IQGAP3: variants seen among roughly 807,000 people sequenced by gnomAD.
The protein encoded by IQGAP3 is ras GTPase-activating-like protein IQGAP3.
IQGAP3 carries 165 observed loss-of-function variants against 208.2 expected under a neutral mutation model. The ratio of observed to expected loss-of-function variants is 0.79; its 90% CI spans 0.70 to 0.90. The LOEUF (loss-of-function observed/expected upper bound fraction) is 0.90, where lower values mean the gene tolerates loss of function less well. IQGAP3 is among the 40% of genes least tolerant of loss of function. The pLI, the probability that IQGAP3 is intolerant of heterozygous loss-of-function variation, is 0.00. For missense variants in IQGAP3, 1,811 were observed against 2,043.1 expected (o/e 0.89, Z 2.19); for synonymous variants, 703 against 803.6 (o/e 0.87, Z 2.12).
In IQGAP3 at chr1:156,566,007, A is replaced by C. The variant is rs1327987911; in HGVS notation, c.360+20T>G. On this transcript the variant is annotated intron_variant, in intron 4 of 37. Transcript: ENST00000361170. ...TGGTAAGGAGTAAAGATGAATACCA[A>C]TCTTCAGGCCCAGTATTACCGAAGG... is the stretch of plus-strand genomic sequence containing the variant. 4 of 1,589,088 alleles carry C rather than the reference A, an allele frequency of 2.5e-6. No individual in the cohort carries two copies. The African/African-American group carries it at 5.4e-5, about 21-fold the overall frequency.
In IQGAP3 at chr1:156,550,312, TCTC is replaced by T; in HGVS notation, c.1771_1773del (p.Glu591del). The T allele has an allele frequency of 4.3e-6, 7 of 1,613,842 alleles. No individual in the cohort carries two copies. The highest frequency in any genetic ancestry group is 1.3e-5 in the African/African-American group (1 of 74,976). On this transcript the variant is annotated inframe_deletion, in exon 16 of 38. Coordinates refer to ENST00000361170, the MANE Select transcript of IQGAP3 (RefSeq NM_178229.5). Reference sequence around the variant, plus strand: ...TTGGCTCTGACCACTCCCTGGCGGATCTCCTCAAGCCACAGCACAGCTCCAGGA... The same window carrying T: ...TTGGCTCTGACCACTCCCTGGCGGATCTCAAGCCACAGCACAGCTCCAGGA...
At chr1:156,530,023 C>G (rs1323790970) in intron 34 of IQGAP3, 82 bp downstream of exon 34, 5 of 1,179,800 alleles carry the variant, frequency 4.2e-6, no homozygotes, top group South Asian at 2.8e-5. Flanking sequence ...AGGGGCCCAC[C>G]AACACTATGG....
Position 156,529,145 on chromosome 1 carries a change from G to T in IQGAP3, c.4405-63C>A, listed in dbSNP as rs1408244084. The T allele has an allele frequency of 5.2e-6, 8 of 1,553,194 alleles. No individual in the cohort carries two copies. In the Admixed American group the frequency reaches 1.2e-4, roughly 23 times the overall value. ...TCCTGGCAGGAGAGCCTTAGGGCCT[G>T]ACACAGGCCCAAGAGCTACACACTG... On this transcript the variant is annotated intron_variant, in intron 34 of 37. Transcript: ENST00000361170.
At chr1:156,535,997 T>C (rs1192390699) in intron 27 of IQGAP3, among the ~76,000 whole-genome samples, 1 of 152,232 alleles carries the variant, frequency 6.6e-6, no homozygotes, top group Non-Finnish European at 1.5e-5. Flanking sequence ...CTATTATGGA[T>C]GTGCCACCTA....
rs545808107 is a variant in IQGAP3, at chr1:156,568,275, C to T, written c.125+1101G>A. ...TTTCACCCAGGCTGGAGTGCAATGGCATGATCTTGGCTCACTGCAACATCT... is the reference window on the plus strand; with the variant it reads ...TTTCACCCAGGCTGGAGTGCAATGGTATGATCTTGGCTCACTGCAACATCT... On this transcript the variant is annotated intron_variant, in intron 2 of 37. Transcript: ENST00000361170. 4.6e-5 allele frequency among the ~76,000 whole-genome samples: 7 copies of T among 152,252 alleles called. No homozygotes were observed. The East Asian group carries it at 1.2e-3, about 25-fold the overall frequency.
Position 156,563,751 on chromosome 1 carries a change from G to A in IQGAP3, c.505+6C>T, listed in dbSNP as rs1417430583. 4.3e-6 allele frequency: 7 copies of A among 1,613,206 alleles called. No individual in the cohort carries two copies. The Admixed American group carries it at 5.0e-5, about 12-fold the overall frequency. On this transcript the variant is annotated splice_donor_region_variant and intron_variant, in intron 6 of 37. Coordinates refer to ENST00000361170, the MANE Select transcript of IQGAP3 (RefSeq NM_178229.5). The stretch of plus-strand genomic sequence containing the variant: ...CTGTGGTGGTCAGGGAAGGAGCTGG[G>A]CTTACCTGTGAATTTCACTTTCCCG...
chr1:156,563,720 C>T, intron 6 of IQGAP3, 37 bp downstream of exon 6: 1 of 1,606,808 alleles, frequency 6.2e-7, no homozygotes, highest in African/African-American at 1.3e-5. Context: ...CAAGACCCTG[C>T]CCAGGCTGTG....
At position 156,569,373 on chromosome 1, in the gene IQGAP3, C is replaced by T; in HGVS notation, c.125+3G>A. 1.2e-6 allele frequency: 2 copies of T among 1,607,562 alleles called. No individual in the cohort carries two copies. The highest frequency in any genetic ancestry group is 1.7e-6 in the Non-Finnish European group (2 of 1,174,910). On this transcript the variant is annotated splice_donor_region_variant and intron_variant, in intron 2 of 37. Coordinates refer to ENST00000361170, the MANE Select transcript of IQGAP3 (RefSeq NM_178229.5). ...AGAGTCCATCTTCCTGGACTCCGCT[C>T]ACCGCTTGGCCTCCTCCAGCCGGCA...
At chr1:156,567,570 T>A in intron 2 of IQGAP3, among the ~76,000 whole-genome samples, 1 of 152,244 alleles carries the variant, frequency 6.6e-6, no homozygotes, top group Non-Finnish European at 1.5e-5. Context: ...GATTAAAGTC[T>A]ACTCAGATGG....
intron 1 of IQGAP3, among the ~76,000 whole-genome samples, chr1:156,570,949 G>A (rs1160699515): frequency 6.6e-6 from 1 of 152,212 alleles, no homozygotes; most frequent in Non-Finnish European, 1.5e-5. Context: ...GAATAAATAG[G>A]CGGAACACAG....
Position 156,564,550 on chromosome 1 carries a change from T to C in IQGAP3, c.437+65A>G. 5 of 1,013,282 alleles carry C rather than the reference T, an allele frequency of 4.9e-6. No individual in the cohort carries two copies. The Admixed American group carries it at 6.8e-5, about 14-fold the overall frequency. 62.8% of individuals were successfully genotyped at this position (1,013,282 alleles called of 1,614,324 possible). Reference sequence around the variant, plus strand: ...TCATCCTTCTTTCTTGCTGAGTTTGTTGTTGTTGATTGTTGGTCGCATCCA... The same window carrying C: ...TCATCCTTCTTTCTTGCTGAGTTTGCTGTTGTTGATTGTTGGTCGCATCCA... On this transcript the variant is annotated intron_variant, in intron 5 of 37. Coordinates refer to ENST00000361170, the MANE Select transcript of IQGAP3 (RefSeq NM_178229.5).
At chr1:156,571,662 C>T (rs6693241) in intron 1 of IQGAP3, among the ~76,000 whole-genome samples, 9,304 of 152,274 alleles carry the variant, frequency 0.061, 989 homozygotes, top group African/African-American at 0.21. Flanking sequence ...TGTACATACA[C>T]ATGCTGTCTC....
chr1:156,529,448 A>G (rs1279854530), intron 34 of IQGAP3, among the ~76,000 whole-genome samples: 10 of 151,936 alleles, frequency 6.6e-5, no homozygotes, highest in Non-Finnish European at 1.5e-4. Context: ...AAAAAAAAAA[A>G]GAGAGTTGCA....
chr1:156,554,098 T>C, intron 13 of IQGAP3, 137 bp downstream of exon 13: 2 of 1,037,506 alleles, frequency 1.9e-6, no homozygotes, highest in South Asian at 3.3e-5. Flanking sequence ...GCCAAGGAAC[T>C]GTGAACAGAC....
chr1:156,527,995 T>C lies in IQGAP3; in HGVS notation c.4739A>G (p.Lys1580Arg), dbSNP rs149888734. The C allele has an allele frequency of 4.2e-5, 68 of 1,613,986 alleles. No individual in the cohort carries two copies. The highest frequency in any genetic ancestry group is 4.7e-5 in the Non-Finnish European group (56 of 1,179,976). The change falls in exon 37 of 38, where the codon AAG becomes AGG. Residue 1580 changes from lysine (K) to arginine (R), a missense_variant. By Grantham distance (26) the Lys-to-Arg change is conservative. Coordinates refer to ENST00000361170, the MANE Select transcript of IQGAP3 (RefSeq NM_178229.5). Reference sequence around the variant, plus strand: ...TCGCTCCATGTCCACACCCAGGAACTTGGCATTTACTTCAAACTTTCCTGC... The same window carrying C: ...TCGCTCCATGTCCACACCCAGGAACCTGGCATTTACTTCAAACTTTCCTGC... Reference protein sequence around the residue: ...DEAGKFEVNAKFLGVDMERFQ... With the variant: ...DEAGKFEVNARFLGVDMERFQ...
intron 26 of IQGAP3, 116 bp from the exon 27 acceptor site, chr1:156,537,437 G>T: frequency 9.9e-7 from 1 of 1,007,118 alleles, no homozygotes; most frequent in South Asian, 2.0e-5. Flanking sequence ...ATGTGCTAAG[G>T]ACAGCTCAGC....
rs754426032 is a variant in IQGAP3 at position 156,563,672 on chromosome 1, A to G, written c.506-6T>C. On this transcript the variant is annotated splice_region_variant and splice_polypyrimidine_tract_variant and intron_variant, in intron 6 of 37. Transcript: ENST00000361170. ...CATGTTGCTGAGTTCCTCAGCTGCA[A>G]TGATGCCACAGGTGCCCTTCATCAG... 1.9e-6 allele frequency: 3 copies of G among 1,611,644 alleles called. No homozygotes were observed. The highest frequency in any genetic ancestry group is 2.2e-5 in the East Asian group (1 of 44,832).
intron 16 of IQGAP3, 121 bp downstream of exon 16, chr1:156,550,140 C>A: frequency 4.4e-6 from 3 of 681,600 alleles, no homozygotes; most frequent in Non-Finnish European, 7.8e-6. Flanking sequence ...CTCTGGCCTG[C>A]CTCCCCACAG....
In IQGAP3 at chr1:156,569,440, T is replaced by C. The variant is rs1387093904; in HGVS notation, c.61A>G (p.Met21Val). Residue 21 changes from methionine (M) to valine (V), a missense_variant, in exon 2 of 38, where the codon ATG becomes GTG. Met to Val is a conservative substitution (Grantham distance 21, BLOSUM62 1). Coordinates refer to ENST00000361170, the MANE Select transcript of IQGAP3 (RefSeq NM_178229.5). The stretch of plus-strand genomic sequence containing the variant: ...ACATTCTGCCGCCTCTGCTCATCCA[T>C]CTCCTCAGCTGTGAGGCGTTCATCT... ...AAYERLTAEE[M>V]DEQRRQNVAY... 8 of 1,608,896 alleles carry C rather than the reference T, an allele frequency of 5.0e-6. No homozygotes were observed. The highest frequency in any genetic ancestry group is 5.9e-6 in the Non-Finnish European group (7 of 1,177,472).
Sources: allele counts gnomAD v4.1 joint callset (sites outside exome capture counted in the v4.1 genomes callset), GRCh38; gene constraint gnomAD v4.1.1; transcripts MANE v1.5; gene names NCBI Gene and HGNC (gene_info 2026-07-23, HGNC 2026-07-21).